The following MTMR12 variants were observed in gnomAD, a reference collection of about 807,000 sequenced individuals.
MTMR12 encodes myotubularin-related protein 12.
A neutral mutation model predicts 96.7 loss-of-function variants in MTMR12; 33 were observed. The observed-to-expected ratio is 0.34, with a 90% CI of 0.26 to 0.46. The LOEUF (loss-of-function observed/expected upper bound fraction) is 0.46, where lower values mean the gene tolerates loss of function less well. MTMR12 is among the 20% of genes least tolerant of loss of function. MTMR12 has a pLI of 1.00. For missense variants in MTMR12, 721 were observed against 896.1 expected, an observed-to-expected ratio of 0.80 and a Z score of 2.49; for synonymous variants, 298 against 327.2, an observed-to-expected ratio of 0.91 and a Z score of 0.96.
intron 1 of MTMR12, among the ~76,000 whole-genome samples, chr5:32,297,589 A>ATT (rs1750977619): frequency 6.8e-6 from 1 of 147,618 alleles, no homozygotes; most frequent in Non-Finnish European, 1.5e-5. Context: ...GTATCTGCTC[A>ATT]TTAAGATGCA....
At chr5:32,248,358 A>G (rs1417208769) in intron 9 of MTMR12, among the ~76,000 whole-genome samples, 1 of 152,204 alleles carries the variant, frequency 6.6e-6, no homozygotes, top group East Asian at 1.9e-4. Flanking sequence ...TGATAGAACC[A>G]TGATTTGGAC....
At chr5:32,258,781 T>C (rs962388908) in intron 7 of MTMR12, among the ~76,000 whole-genome samples, 5 of 152,146 alleles carry the variant, frequency 3.3e-5, no homozygotes, top group Admixed American at 2.6e-4. Context: ...CAGTGGCTCA[T>C]GCTATAAAGC....
In MTMR12 at chr5:32,243,547, T is replaced by C. The variant is rs556022076; in HGVS notation, c.1074A>G (p.Glu358=). The part of the protein sequence containing the change: ...DTDIKWFSLL[E]SSSWLDIIRR... ...TGATTATGTCAAGCCAGCTGCTACT[T>C]TCCAACAGAGAAAACCATTTTATAT... The change falls in exon 11 of 16, where the codon GAA becomes GAG. Residue 358 remains glutamate (E), a synonymous_variant. Transcript: ENST00000382142. 148 of 1,612,404 alleles carry C rather than the reference T, an allele frequency of 9.2e-5. 1 individual carries two copies. The South Asian group carries it at 1.4e-3, about 16-fold the overall frequency.
chr5:32,251,476 C>T (rs78342687), intron 8 of MTMR12, among the ~76,000 whole-genome samples: 2,066 of 152,228 alleles, frequency 0.014, 53 homozygotes, highest in African/African-American at 0.047. Context: ...CAGAGTCAAA[C>T]ACTGCAGTCA....
At chr5:32,243,092 C>G (rs1748544838) in intron 11 of MTMR12, among the ~76,000 whole-genome samples, 1 of 152,182 alleles carries the variant, frequency 6.6e-6, no homozygotes, top group Non-Finnish European at 1.5e-5. Context: ...GAACTCTCAA[C>G]CTAACTCCCA....
intron 11 of MTMR12, 63 bp from the exon 12 acceptor site, chr5:32,242,190 C>A: frequency 8.5e-7 from 1 of 1,179,402 alleles, no homozygotes; most frequent in African/African-American, 1.5e-5. Flanking sequence ...ACAAACACTA[C>A]GTAGTTGAGA....
chr5:32,251,561 T>G (rs1298906789), intron 8 of MTMR12, among the ~76,000 whole-genome samples: 4 of 152,116 alleles, frequency 2.6e-5, no homozygotes, highest in Non-Finnish European at 2.9e-5. Context: ...GGAGTAGAAG[T>G]CATGTTACAA....
chr5:32,244,026 A>G (rs1435062177), intron 10 of MTMR12, among the ~76,000 whole-genome samples: 1 of 152,188 alleles, frequency 6.6e-6, no homozygotes, highest in Non-Finnish European at 1.5e-5. Flanking sequence ...CTCAATGCAC[A>G]AGTTCGTCCA....
chr5:32,303,323 TC>T (rs1375401526), intron 1 of MTMR12, among the ~76,000 whole-genome samples: 1 of 152,174 alleles, frequency 6.6e-6, no homozygotes, highest in Non-Finnish European at 1.5e-5. Context: ...GCTCTTGCTT[TC>T]CTTAGAGTTG....
chr5:32,268,449 A>G (rs1470259030), intron 6 of MTMR12, among the ~76,000 whole-genome samples: 4 of 151,812 alleles, frequency 2.6e-5, no homozygotes, highest in African/African-American at 9.7e-5. Flanking sequence ...CGGAAATTGC[A>G]GTGGGCCAAA....
At chr5:32,239,236 G>T in intron 12 of MTMR12, 63 bp from the exon 13 acceptor site, 1 of 1,464,492 alleles carries the variant, frequency 6.8e-7, no homozygotes, top group Non-Finnish European at 9.1e-7. Flanking sequence ...AAAAGTTTCA[G>T]AATGCTCTCA....
intron 6 of MTMR12, among the ~76,000 whole-genome samples, chr5:32,265,144 G>C (rs183381102): frequency 2.3e-4 from 35 of 152,244 alleles, no homozygotes; most frequent in Admixed American, 1.5e-3. Flanking sequence ...AATAATTAAA[G>C]GTATTCAAAT....
intron 1 of MTMR12, among the ~76,000 whole-genome samples, chr5:32,296,067 G>C (rs1384431900): frequency 6.6e-6 from 1 of 152,180 alleles, no homozygotes; most frequent in African/African-American, 2.4e-5. Context: ...GCTGAGGCAG[G>C]AGAATTGCTT....
At chr5:32,306,394 A>G (rs1751367015) in intron 1 of MTMR12, among the ~76,000 whole-genome samples, 1 of 152,216 alleles carries the variant, frequency 6.6e-6, no homozygotes, top group Admixed American at 6.5e-5. Context: ...ACTAGTAATT[A>G]TTCATTTTCA....
chr5:32,312,714 C>G lies in MTMR12; in HGVS notation c.81+44G>C. The stretch of plus-strand genomic sequence containing the variant: ...AAGGGGCTCCCGGCGCCCCTCGCCC[C>G]GGCCGCCCCTGCCCGACGCCCCGCC... On this transcript the variant is annotated intron_variant, in intron 1 of 15. Transcript: ENST00000382142. This position sits in a 1 kb window ranked among gnomAD's most constrained non-coding sequence, Gnocchi z 5.0. The G allele has an allele frequency of 3.5e-6, 5 of 1,411,390 alleles. No individual in the cohort carries two copies. The highest frequency in any genetic ancestry group is 1.5e-5 in the African/African-American group (1 of 67,030). The allele number at this position is 1,411,390 out of a possible 1,614,324, so 87.4% of individuals were successfully genotyped here. A position where few individuals can be genotyped will look rare whatever the true frequency, so the allele number is the denominator to read the frequency against.
intron 3 of MTMR12, 119 bp from the exon 4 acceptor site, chr5:32,272,024 G>A: frequency 1.9e-6 from 1 of 535,848 alleles, no homozygotes; most frequent in Non-Finnish European, 3.2e-6. Context: ...GGGTGCAGTG[G>A]CTCACACCTG....
chr5:32,247,927 A>T (rs1748765002), intron 10 of MTMR12, 75 bp downstream of exon 10: 1 of 1,546,498 alleles, frequency 6.5e-7, no homozygotes. Context: ...GGGAAAAGGC[A>T]CCAACTTTCA....
intron 1 of MTMR12, among the ~76,000 whole-genome samples, chr5:32,286,377 T>C (rs1409771943): frequency 1.3e-5 from 2 of 151,880 alleles, no homozygotes; most frequent in East Asian, 3.9e-4. Flanking sequence ...AGAATTGACT[T>C]TTATTAGCCA....
At chr5:32,307,622 G>T (rs1212988610) in intron 1 of MTMR12, among the ~76,000 whole-genome samples, 1 of 152,134 alleles carries the variant, frequency 6.6e-6, no homozygotes, top group East Asian at 1.9e-4. Flanking sequence ...CACATTCACT[G>T]ATTTAGAATA....
Sources: allele counts gnomAD v4.1 joint callset (sites outside exome capture counted in the v4.1 genomes callset), GRCh38; gene constraint gnomAD v4.1.1; non-coding constraint Gnocchi (gnomAD v3.1); transcripts MANE v1.5; gene names NCBI Gene and HGNC (gene_info 2026-07-23, HGNC 2026-07-21).